The following KREMEN1 variants were observed in gnomAD, a reference collection of about 807,000 sequenced individuals.
The protein encoded by KREMEN1 is kringle containing transmembrane protein 1.
A neutral mutation model predicts 46.5 loss-of-function variants in KREMEN1; 30 were observed. That is an observed-to-expected ratio of 0.65 (90% CI 0.48 to 0.88). The LOEUF is 0.88. KREMEN1 is among the 40% of genes least tolerant of loss of function. The pLI is 0.00. For synonymous variants in KREMEN1, 214 were observed against 230.6 expected, an observed-to-expected ratio of 0.93 and a Z score of 0.65; for missense variants, 533 against 596.9, an observed-to-expected ratio of 0.89 and a Z score of 1.11.
At chr22:29,108,311 G>A (rs932805581) in intron 3 of KREMEN1, among the ~76,000 whole-genome samples, 1 of 152,188 alleles carries the variant, frequency 6.6e-6, no homozygotes, top group Admixed American at 6.5e-5. Context: ...CTTTCTTGAT[G>A]CCATGAAGTC....
At chr22:29,123,678 T>A (rs1271383013) in intron 4 of KREMEN1, among the ~76,000 whole-genome samples, 1 of 152,148 alleles carries the variant, frequency 6.6e-6, no homozygotes, top group East Asian at 1.9e-4. Flanking sequence ...TAGTCCCAGT[T>A]ACTCGGGAAG....
At chr22:29,107,218 CTTTT>C (rs1188000476) in intron 3 of KREMEN1, among the ~76,000 whole-genome samples, 5 of 111,894 alleles carry the variant, frequency 4.5e-5, no homozygotes, top group Admixed American at 8.8e-5. Flanking sequence ...ACCATTTATA[CTTTT>C]TTTTTTTTTT....
At chr22:29,149,248 C>T (rs1229917398), downstream of KREMEN1, among the ~76,000 whole-genome samples, 5 of 152,014 alleles carry the variant, frequency 3.3e-5, no homozygotes, top group African/African-American at 9.7e-5. Context: ...CTGCAACCTC[C>T]GCCTCCTGGG....
At chr22:29,077,211 G>C (rs938098114) in intron 1 of KREMEN1, among the ~76,000 whole-genome samples, 4 of 152,204 alleles carry the variant, frequency 2.6e-5, no homozygotes, top group African/African-American at 9.7e-5. Flanking sequence ...TAAATAATAT[G>C]AGATTCATGG....
intron 9 of KREMEN1, among the ~76,000 whole-genome samples, chr22:29,152,054 C>T (rs1028703635): frequency 8.6e-5 from 13 of 151,412 alleles, no homozygotes; most frequent in South Asian, 2.1e-4. Context: ...TGAGCCCACT[C>T]CCAAGCCTGT....
chr22:29,150,452 A>T (rs550259985), downstream of KREMEN1, among the ~76,000 whole-genome samples: 1 of 152,358 alleles, frequency 6.6e-6, no homozygotes, highest in Admixed American at 6.5e-5. Context: ...CCTCCGGGAG[A>T]AACACCAAAC....
downstream of KREMEN1, among the ~76,000 whole-genome samples, chr22:29,151,584 T>G (rs2038915730): frequency 6.6e-6 from 1 of 152,188 alleles, no homozygotes; most frequent in Admixed American, 6.5e-5. Context: ...ACAGACAATA[T>G]GTAAACAAAT....
Position 29,094,296 on chromosome 22 carries a change from CAG to C in KREMEN1, c.138_139del (p.Asn47LeufsTer35). The C allele has an allele frequency of 1.2e-6, 2 of 1,613,544 alleles. No individual in the cohort carries two copies. Among genetic ancestry groups the C allele is most frequent in the Non-Finnish European group, 1.7e-6 (2 of 1,179,742 alleles). On this transcript the variant is annotated frameshift_variant, in exon 2 of 9. Coordinates refer to ENST00000400335, the MANE Select transcript of KREMEN1 (RefSeq NM_001039570.3). LOFTEE classifies it high-confidence loss of function. Reference sequence around the variant, plus strand: ...CAATGGTGCGGATTATAGGGGAACACAGAACTGGACAGCACTACAAGGCGGGA... The same window carrying C: ...CAATGGTGCGGATTATAGGGGAACACAACTGGACAGCACTACAAGGCGGGA... ...TANGADYRGT[Q>X]NWTALQGGKP...
At position 29,125,552 on chromosome 22, in the gene KREMEN1, G is replaced by A. The variant is rs2038429162; in HGVS notation, c.631+136G>A. On this transcript the variant is annotated intron_variant, in intron 5 of 8. Coordinates refer to ENST00000400335, the MANE Select transcript of KREMEN1 (RefSeq NM_001039570.3). ...TAGACAATACTTGTGACTAGACCCT[G>A]GGAATACAGCACAGTGCATGAAGAC... The A allele has an allele frequency of 7.0e-6, 6 of 858,200 alleles. No homozygotes were observed. In the South Asian group the frequency reaches 1.0e-4, roughly 15 times the overall value. The allele number at this position is 858,200 out of a possible 1,614,324, so 53.2% of individuals were successfully genotyped here. A position where few individuals can be genotyped will look rare whatever the true frequency, so the allele number is the denominator to read the frequency against.
intron 9 of KREMEN1, among the ~76,000 whole-genome samples, chr22:29,164,097 G>A (rs2145877662): frequency 6.6e-6 from 1 of 152,354 alleles, no homozygotes; most frequent in South Asian, 2.1e-4. Flanking sequence ...TTACAGGCGC[G>A]CATTGCTGCG....
At chr22:29,131,594 G>A (rs184130829) in intron 5 of KREMEN1, among the ~76,000 whole-genome samples, 2,485 of 121,418 alleles carry the variant, frequency 0.02, 191 homozygotes, top group African/African-American at 0.1. Flanking sequence ...GTGTGTGTGT[G>A]TATATGTATA....
rs1266148139 is a variant in KREMEN1 at position 29,105,490 on chromosome 22, C to CACACACACAT, written c.352+6546_352+6547insTACACACACA. Among the ~76,000 whole-genome samples the CACACACACAT allele has an allele frequency of 9.2e-5, 14 of 152,070 alleles. No homozygotes were observed. The East Asian group carries it at 2.5e-3, about 27-fold the overall frequency. On this transcript the variant is annotated intron_variant, in intron 3 of 8. Coordinates refer to ENST00000400335, the MANE Select transcript of KREMEN1 (RefSeq NM_001039570.3). ...ACACACACACACATACACACACACA[C>CACACACACAT]ACACACACACACACACACACACTCT...
At chr22:29,162,756 G>A (rs1035821022) in intron 9 of KREMEN1, among the ~76,000 whole-genome samples, 3 of 151,888 alleles carry the variant, frequency 2.0e-5, no homozygotes, top group Non-Finnish European at 4.4e-5. Context: ...TCCATTATTG[G>A]GTATATATCC....
intron 3 of KREMEN1, among the ~76,000 whole-genome samples, chr22:29,108,302 T>C (rs1313770497): frequency 1.3e-5 from 2 of 152,168 alleles, no homozygotes; most frequent in African/African-American, 4.8e-5. Context: ...GACAAAATTC[T>C]TTCTTGATGC....
At chr22:29,163,922 A>T (rs1284537235) in intron 9 of KREMEN1, among the ~76,000 whole-genome samples, 1 of 151,816 alleles carries the variant, frequency 6.6e-6, no homozygotes, top group Non-Finnish European at 1.5e-5. Flanking sequence ...CATCTAAAAT[A>T]AAAGTTGAAA....
Position 29,142,257 on chromosome 22 carries a change from T to C in KREMEN1, c.*145T>C. On this transcript the variant is annotated 3_prime_UTR_variant, in exon 9 of 9. Coordinates refer to ENST00000400335, the MANE Select transcript of KREMEN1 (RefSeq NM_001039570.3). ...TCGGGGAAACCCTCCTCCTACAGAC[T>C]AGGAAGAGGCACCCTGCTGCCAGGG... The C allele has an allele frequency of 7.4e-7, 1 of 1,349,976 alleles. No homozygotes were observed. The highest frequency in any genetic ancestry group is 9.5e-7 in the Non-Finnish European group (1 of 1,055,672). The allele number at this position is 1,349,976 out of a possible 1,614,324, so 83.6% of individuals were successfully genotyped here.
At chr22:29,131,486 A>G (rs1232072503) in intron 5 of KREMEN1, among the ~76,000 whole-genome samples, 2 of 137,294 alleles carry the variant, frequency 1.5e-5, no homozygotes, top group African/African-American at 5.9e-5. Context: ...CCCTTCCCCA[A>G]CCCAACTCCT....
intron 9 of KREMEN1, among the ~76,000 whole-genome samples, chr22:29,164,764 A>C (rs368764937): frequency 1.3e-4 from 19 of 150,320 alleles, no homozygotes; most frequent in Admixed American, 4.0e-4. Flanking sequence ...AAACAAAAAA[A>C]AAAACCCAAA....
intron 3 of KREMEN1, among the ~76,000 whole-genome samples, chr22:29,110,433 A>G (rs747902230): frequency 6.6e-6 from 1 of 152,216 alleles, no homozygotes; most frequent in Non-Finnish European, 1.5e-5. Context: ...GGAGCAACAC[A>G]CATGTACAGG....
Sources: gnomAD v4.1 joint callset for allele counts (sites outside exome capture counted in the v4.1 genomes callset) on GRCh38, gnomAD v4.1.1 for gene constraint, MANE v1.5 for transcripts, NCBI Gene and HGNC (gene_info 2026-07-23, HGNC 2026-07-21) for gene names.